Variants in EIF2AK4 observed in about 807,000 individuals in gnomAD.
EIF2AK4 encodes the protein eIF-2-alpha kinase GCN2.
A neutral mutation model predicts 211.1 loss-of-function variants in EIF2AK4; 139 were observed. The ratio of observed to expected loss-of-function variants is 0.66; its 90% CI spans 0.57 to 0.76. EIF2AK4 has a LOEUF of 0.76. Ranked by LOEUF, EIF2AK4 falls within the 30% of genes least tolerant of loss-of-function variation. The pLI is 0.00. For missense variants in EIF2AK4, 1,664 were observed against 2,043.8 expected, an observed-to-expected ratio of 0.81 and a Z score of 3.58; for synonymous variants, 710 against 751.3, an observed-to-expected ratio of 0.94 and a Z score of 0.90.
chr15:40,028,942 A>T (rs1444638703), intron 33 of EIF2AK4, among the ~76,000 whole-genome samples: 5 of 152,228 alleles, frequency 3.3e-5, no homozygotes, highest in Admixed American at 3.3e-4. Context: ...CTATAAATTA[A>T]TTCACAGCAT....
intron 13 of EIF2AK4, among the ~76,000 whole-genome samples, chr15:39,982,385 A>G (rs895494893): frequency 6.6e-6 from 1 of 152,230 alleles, no homozygotes; most frequent in Non-Finnish European, 1.5e-5. Context: ...CAGCGGTAAG[A>G]AAGAATTGAC....
intron 3 of EIF2AK4, among the ~76,000 whole-genome samples, chr15:39,947,336 T>C (rs149763716): frequency 9.3e-4 from 141 of 152,178 alleles, no homozygotes; most frequent in African/African-American, 3.2e-3. Flanking sequence ...AAACTAGGAG[T>C]CATTTAATTA....
At chr15:39,935,285 A>G (rs1252101129) in intron 1 of EIF2AK4, among the ~76,000 whole-genome samples, 2 of 151,500 alleles carry the variant, frequency 1.3e-5, no homozygotes, top group East Asian at 3.9e-4. Context: ...CTACCAAACT[A>G]TTTCTGAATA....
intron 6 of EIF2AK4, among the ~76,000 whole-genome samples, chr15:39,956,474 G>A (rs1289827219): frequency 2.0e-5 from 3 of 152,174 alleles, no homozygotes; most frequent in South Asian, 2.1e-4. Context: ...TGTAAGGAGT[G>A]CCTGAAAATG....
intron 32 of EIF2AK4, 53 bp from the exon 33 acceptor site, chr15:40,025,924 G>T (rs1272084796): frequency 1.8e-5 from 28 of 1,552,398 alleles, no homozygotes; most frequent in Non-Finnish European, 2.3e-5. Context: ...CTCTGAGCTA[G>T]TCTTCTGGGT....
chr15:39,971,350 C>G (rs1330347968), intron 9 of EIF2AK4, among the ~76,000 whole-genome samples: 2 of 152,058 alleles, frequency 1.3e-5, no homozygotes, highest in Non-Finnish European at 2.9e-5. Context: ...ATGGCAAAAC[C>G]CCATATCTAC....
At position 39,934,352 on chromosome 15, in the gene EIF2AK4, C is replaced by T. The variant is rs1388378256; in HGVS notation, c.144+13C>T. ...CGCTTGCGGACCGGTAGGAACGTGGCTTGTCAGGCCCGGGCTGGCGTGCCC... is the reference window on the plus strand; with the variant it reads ...CGCTTGCGGACCGGTAGGAACGTGGTTTGTCAGGCCCGGGCTGGCGTGCCC... On this transcript the variant is annotated intron_variant, in intron 1 of 38. Coordinates refer to ENST00000263791, the MANE Select transcript of EIF2AK4 (RefSeq NM_001013703.4). 1 of 1,598,984 alleles carries T rather than the reference C, an allele frequency of 6.3e-7. No individual in the cohort carries two copies. Among genetic ancestry groups the T allele is most frequent in the South Asian group, 1.1e-5 (1 of 88,844 alleles).
Position 39,998,720 on chromosome 15 carries a change from TA to T in EIF2AK4, c.2869-10del. The T allele has an allele frequency of 1.2e-6, 2 of 1,611,370 alleles. No homozygotes were observed. Among genetic ancestry groups the T allele is most frequent in the Non-Finnish European group, 1.7e-6 (2 of 1,178,320 alleles). ...TGCCAAAACCTTGCTGATTTGAATA[TA>T]TTTTTTTAGCCCACTTCGCCTAAGT... On this transcript the variant is annotated splice_polypyrimidine_tract_variant and intron_variant, in intron 19 of 38. Coordinates refer to ENST00000263791, the MANE Select transcript of EIF2AK4 (RefSeq NM_001013703.4).
intron 12 of EIF2AK4, chr15:39,977,460 C>A (rs1439828997): frequency 6.6e-6 from 1 of 152,238 alleles, no homozygotes; most frequent in Non-Finnish European, 1.5e-5. Flanking sequence ...TGCTTGCTCA[C>A]CTCCGGCTGT....
intron 6 of EIF2AK4, among the ~76,000 whole-genome samples, chr15:39,956,747 C>T (rs2140906816): frequency 1.3e-5 from 2 of 152,202 alleles, no homozygotes; most frequent in East Asian, 1.9e-4. Context: ...GTAGGGACTT[C>T]AACCTTCATT....
At chr15:39,975,858 T>C (rs1314691095) in intron 11 of EIF2AK4, among the ~76,000 whole-genome samples, 1 of 152,236 alleles carries the variant, frequency 6.6e-6, no homozygotes, top group African/African-American at 2.4e-5. Context: ...GTAGTGGAAA[T>C]GGTATAAATG....
Position 39,965,968 on chromosome 15 carries a change from G to A in EIF2AK4, c.1017+125G>A, listed in dbSNP as rs1227913296. The stretch of plus-strand genomic sequence containing the variant: ...GTCCAGAGCAGTATGAGAACTGTTT[G>A]ACCAGGGAGGACAGTGAAGGACCAG... On this transcript the variant is annotated intron_variant, in intron 8 of 38. Coordinates refer to ENST00000263791, the MANE Select transcript of EIF2AK4 (RefSeq NM_001013703.4). The A allele has an allele frequency of 5.4e-6, 7 of 1,286,018 alleles. No individual in the cohort carries two copies. In the East Asian group the frequency reaches 1.3e-4, roughly 23 times the overall value. 79.7% of individuals were successfully genotyped at this position (1,286,018 alleles called of 1,614,324 possible). A position where few individuals can be genotyped will look rare whatever the true frequency, so the allele number is the denominator to read the frequency against.
chr15:39,976,900 T>A (rs958147088), intron 12 of EIF2AK4, 56 bp downstream of exon 12: 3 of 1,390,870 alleles, frequency 2.2e-6, no homozygotes, highest in African/African-American at 3.5e-5. Flanking sequence ...TTCCTTTCTT[T>A]ATTTTTTTTT....
intron 3 of EIF2AK4, among the ~76,000 whole-genome samples, chr15:39,948,446 A>G (rs1391439360): frequency 6.6e-6 from 1 of 152,230 alleles, no homozygotes; most frequent in East Asian, 1.9e-4. Flanking sequence ...AGTATGATTT[A>G]TGTCTCCTGC....
intron 29 of EIF2AK4, among the ~76,000 whole-genome samples, chr15:40,017,551 A>ATAGAAATG (rs1555422345): frequency 1.1e-5 from 1 of 87,094 alleles, no homozygotes; most frequent in Non-Finnish European, 2.3e-5. Flanking sequence ...ATATATATAT[A>ATAGAAATG]TATGTATTTT....
At chr15:39,998,380 A>C (rs2035049196) in intron 19 of EIF2AK4, among the ~76,000 whole-genome samples, 1 of 148,152 alleles carries the variant, frequency 6.7e-6, no homozygotes, top group Non-Finnish European at 1.5e-5. Context: ...CTGCCCCTTG[A>C]AATTTTTTTC....
intron 21 of EIF2AK4, among the ~76,000 whole-genome samples, chr15:40,001,941 G>GA (rs1181551316): frequency 6.6e-6 from 1 of 151,774 alleles, no homozygotes; most frequent in Non-Finnish European, 1.5e-5. Context: ...CTTTTAAAAA[G>GA]AAAAAAAATC....
In EIF2AK4 at chr15:39,973,757, A is replaced by T. The variant is rs371980186; in HGVS notation, c.1818+8A>T. On this transcript the variant is annotated splice_region_variant and intron_variant, in intron 11 of 38. Transcript: ENST00000263791. ...TTTGGAGCTGTCATCAAGGTGTGGT[A>T]CAGAGTCATTCCCAGTCCCCTTTAG... 2.5e-6 allele frequency: 4 copies of T among 1,614,026 alleles called. No homozygotes were observed. Among genetic ancestry groups the T allele is most frequent in the Non-Finnish European group, 3.4e-6 (4 of 1,179,900 alleles).
intron 7 of EIF2AK4, among the ~76,000 whole-genome samples, chr15:39,965,124 C>G (rs888034949): frequency 1.3e-5 from 2 of 151,996 alleles, no homozygotes; most frequent in Non-Finnish European, 2.9e-5. Context: ...AAAACACTGG[C>G]CTCTTTTGTT....
Sources: allele counts gnomAD v4.1 joint callset (sites outside exome capture counted in the v4.1 genomes callset), GRCh38; gene constraint gnomAD v4.1.1; transcripts MANE v1.5; gene names NCBI Gene and HGNC (gene_info 2026-07-23, HGNC 2026-07-21).